WNT8A: variants seen among roughly 807,000 people sequenced by gnomAD.
WNT8A encodes Wnt family member 8A, also known as protein Wnt-8a.
A neutral mutation model predicts 20.5 loss-of-function variants in WNT8A; 14 were observed. The observed-to-expected ratio is 0.68, with a 90% CI of 0.45 to 1.07. WNT8A has a LOEUF of 1.07. Ranked by LOEUF, WNT8A falls within the 50% of genes least tolerant of loss-of-function variation. The pLI is 0.00. For missense variants in WNT8A, 397 were observed against 462.9 expected, an observed-to-expected ratio of 0.86 and a Z score of 1.31; for synonymous variants, 167 against 169.2, an observed-to-expected ratio of 0.99 and a Z score of 0.10.
At chr5:138,080,451 T>TGTTTTTTTTG (rs772460841), upstream of WNT8A, among the ~76,000 whole-genome samples, 1 of 93,706 alleles carries the variant, frequency 1.1e-5, no homozygotes, top group South Asian at 2.9e-4. Context: ...CTTGTTTTTT[T>TGTTTTTTTTG]TTTTTTTTTT....
At position 138,090,622 on chromosome 5, in the gene WNT8A, G is replaced by A. The variant is rs755478873; in HGVS notation, c.659G>A (p.Arg220Gln). 39 of 1,614,072 alleles carry A rather than the reference G, an allele frequency of 2.4e-5. No homozygotes were observed. The highest frequency in any genetic ancestry group is 4.0e-5 in the African/African-American group (3 of 74,926). The part of the protein sequence containing the change: ...QTCWLQLAEF[R>Q]EMGDYLKAKY... Reference sequence around the variant, plus strand: ...TGCTGGCTGCAGCTGGCTGAATTCCGGGAGATGGGAGACTACCTAAAGGCC... The same window carrying A: ...TGCTGGCTGCAGCTGGCTGAATTCCAGGAGATGGGAGACTACCTAAAGGCC... The change falls in exon 5 of 5, where the codon CGG becomes CAG. Residue 220 changes from arginine to glutamine, a missense_variant. Physicochemically the swap from Arg to Gln is conservative, Grantham distance 43. Coordinates refer to ENST00000506684, the MANE Select transcript of WNT8A (RefSeq NM_001300939.2).
chr5:138,088,759 T>C (rs987624605), intron 3 of WNT8A, among the ~76,000 whole-genome samples, 168 bp from the exon 4 acceptor site: 1 of 151,752 alleles, frequency 6.6e-6, no homozygotes, highest in African/African-American at 2.4e-5. Flanking sequence ...GTCTGAAGGG[T>C]GGGCAGTTGG....
chr5:138,082,770 C>T (rs569452962), upstream of WNT8A, among the ~76,000 whole-genome samples: 141 of 149,770 alleles, frequency 9.4e-4, no homozygotes, highest in Middle Eastern at 7.1e-3. Context: ...CCAGCTACTC[C>T]GGAGGCTGAG....
chr5:138,080,627 G>T (rs1750487751), upstream of WNT8A, among the ~76,000 whole-genome samples: 1 of 151,362 alleles, frequency 6.6e-6, no homozygotes. Context: ...TAGAGACAGG[G>T]TCTCATTCTG....
At chr5:138,087,104 TC>T (rs1218103418) in intron 2 of WNT8A, among the ~76,000 whole-genome samples, 2 of 150,820 alleles carry the variant, frequency 1.3e-5, no homozygotes, top group Non-Finnish European at 2.9e-5. Flanking sequence ...ACGCCTGTAA[TC>T]CCAGCACTTT....
In WNT8A at chr5:138,084,503, T is replaced by C; in HGVS notation, c.162T>C (p.Tyr54=). ...AGCCCTTTTCCCTTTGCCAGGCCTA[T>C]CTGACCTACACGACTAGTGTGGCCT... ...NNFLITGPKA[Y]LTYTTSVALG... The change falls in exon 2 of 5, where the codon TAT becomes TAC. Residue 54 remains tyrosine, a synonymous_variant. Transcript: ENST00000506684. 1 of 1,605,446 alleles carries C rather than the reference T, an allele frequency of 6.2e-7. No individual in the cohort carries two copies. Among genetic ancestry groups the C allele is most frequent in the African/African-American group, 1.3e-5 (1 of 74,656 alleles).
In WNT8A at chr5:138,091,317, A is replaced by G; in HGVS notation, c.*244A>G. 6.6e-7 allele frequency: 1 copy of G among 1,510,872 alleles called. No homozygotes were observed. Among genetic ancestry groups the G allele is most frequent in the Non-Finnish European group, 8.9e-7 (1 of 1,125,252 alleles). The allele number at this position is 1,510,872 out of a possible 1,614,324, so 93.6% of individuals were successfully genotyped here. On this transcript the variant is annotated 3_prime_UTR_variant, in exon 5 of 5. Coordinates refer to ENST00000506684, the MANE Select transcript of WNT8A (RefSeq NM_001300939.2). ...CCCCATTTCATCTTTCCTGCAAACT[A>G]CTTTCCCATCTTTGTGCCTGTACTT...
rs770416318 is a variant in WNT8A at position 138,089,001 on chromosome 5, G to A, written c.496G>A (p.Asp166Asn). Residue 166 changes from aspartate (D) to asparagine (N), a missense_variant, in exon 4 of 5, where the codon GAC (aspartate) becomes AAC (asparagine). Transcript: ENST00000506684. ...FGERISKLFV[D>N]SLEKGKDARA... The stretch of plus-strand genomic sequence containing the variant: ...GGAAAGGATCTCCAAACTCTTTGTG[G>A]ACAGTTTGGAGAAGGGGAAGGATGC... The A allele has an allele frequency of 1.2e-6, 2 of 1,613,970 alleles. No individual in the cohort carries two copies. The highest frequency in any genetic ancestry group is 1.7e-6 in the Non-Finnish European group (2 of 1,180,036).
upstream of WNT8A, among the ~76,000 whole-genome samples, chr5:138,083,589 C>A (rs1750563496): frequency 6.6e-6 from 1 of 152,096 alleles, no homozygotes; most frequent in Non-Finnish European, 1.5e-5. Flanking sequence ...TAGGAAGCAG[C>A]CCCAGATGGA....
In WNT8A at chr5:138,091,180, T is replaced by G. The variant is rs1194118135; in HGVS notation, c.*107T>G. The G allele has an allele frequency of 2.0e-6, 3 of 1,537,886 alleles. No individual in the cohort carries two copies. The East Asian group carries it at 6.8e-5, about 35-fold the overall frequency. ...AGCAATCGGAAAATTGCAGTTTTGG[T>G]CTGTAGTCCTCATGATATCTGCTAT... On this transcript the variant is annotated 3_prime_UTR_variant, in exon 5 of 5. Transcript: ENST00000506684.
chr5:138,078,146 A>G, the WNT8A span, among the ~76,000 whole-genome samples: 1 of 152,034 alleles, frequency 6.6e-6, no homozygotes, highest in Non-Finnish European at 1.5e-5. Context: ...GAGGGTCAGG[A>G]GCTCAAGCAG....
At position 138,091,031 on chromosome 5, in the gene WNT8A, C is replaced by G. The variant is rs1561578339; in HGVS notation, c.1068C>G (p.Arg356=). The G allele has an allele frequency of 1.9e-6, 3 of 1,613,602 alleles. No individual in the cohort carries two copies. In the Admixed American group the frequency reaches 5.0e-5, roughly 27 times the overall value. ...TGGTGAGCAAGTATTACTGCGCACG[C>G]TCCCCAGGCAGTGCCCAGTCCCTGG... ...RHVVSKYYCA[R]SPGSAQSLGK... Residue 356 remains arginine (R), a synonymous_variant, in exon 5 of 5, where the codon CGC becomes CGG. Transcript: ENST00000506684.
Position 138,090,589 on chromosome 5 carries a change from TACA to T in WNT8A, c.627_629del (p.Ile209_Gln210delinsMet). ...CATGGCATCTCTGGGAGCTGCAGCA[TACA>T]GACATGCTGGCTGCAGCTGGCTGAA... On this transcript the variant is annotated inframe_deletion, in exon 5 of 5. Transcript: ENST00000506684. 6.2e-7 allele frequency: 1 copy of T among 1,614,204 alleles called. No individual in the cohort carries two copies. Among genetic ancestry groups the T allele is most frequent in the Non-Finnish European group, 8.5e-7 (1 of 1,180,028 alleles).
At chr5:138,089,343 T>A (rs1357258622) in intron 4 of WNT8A, among the ~76,000 whole-genome samples, 2 of 152,218 alleles carry the variant, frequency 1.3e-5, no homozygotes, top group African/African-American at 4.8e-5. Flanking sequence ...ACACGCGGGC[T>A]TCTGAGAACA....
At chr5:138,079,810 T>C (rs1750455449), upstream of WNT8A, among the ~76,000 whole-genome samples, 1 of 152,194 alleles carries the variant, frequency 6.6e-6, no homozygotes, top group Non-Finnish European at 1.5e-5. Flanking sequence ...TTAAGGAAAT[T>C]GATACACAGG....
downstream of WNT8A, among the ~76,000 whole-genome samples, chr5:138,091,875 A>ATAAATAAATAAC (rs374275479): frequency 1.4e-5 from 2 of 147,516 alleles, no homozygotes; most frequent in Non-Finnish European, 3.0e-5. Context: ...AAATAAATAA[A>ATAAATAAATAAC]TAATAAAGAG....
At position 138,090,879 on chromosome 5, in the gene WNT8A, C is replaced by T. The variant is rs779974983; in HGVS notation, c.916C>T (p.Arg306Cys). Residue 306 changes from arginine (R) to cysteine (C), a missense_variant, in exon 5 of 5, where the codon CGT (arginine) becomes TGT (cysteine). By Grantham distance (180) the Arg-to-Cys change is radical (BLOSUM62 -3). Transcript: ENST00000506684. ...CCACAACACATCCAGGTGGGAGCGA[C>T]GTAGCTGTGGGCGCCTGTGCACTGA... ...NSHNTSRWER[R>C]SCGRLCTECG... 40 of 1,614,070 alleles carry T rather than the reference C, an allele frequency of 2.5e-5. No homozygotes were observed. The highest frequency in any genetic ancestry group is 4.5e-5 in the East Asian group (2 of 44,896).
At chr5:138,084,432 G>A in intron 1 of WNT8A, 66 bp from the exon 2 acceptor site, 2 of 1,553,486 alleles carry the variant, frequency 1.3e-6, no homozygotes. Context: ...TCTGAGTCCT[G>A]CCTGCTCCCC....
At chr5:138,087,664 A>AAG (rs1750711882) in intron 2 of WNT8A, 142 bp from the exon 3 acceptor site, 1 of 852,342 alleles carries the variant, frequency 1.2e-6, no homozygotes, top group African/African-American at 1.8e-5. Flanking sequence ...AAAAAAAAAA[A>AAG]AAAAAAAAAA....
Sources: gnomAD v4.1 joint callset for allele counts (sites outside exome capture counted in the v4.1 genomes callset) on GRCh38, gnomAD v4.1.1 for gene constraint, MANE v1.5 for transcripts, NCBI Gene and HGNC (gene_info 2026-07-23, HGNC 2026-07-21) for gene names.